Variants in PTPRR observed in about 807,000 individuals in gnomAD.
The protein encoded by PTPRR is protein tyrosine phosphatase receptor type R, also known as receptor-type tyrosine-protein phosphatase R.
In PTPRR, 38 loss-of-function variants were observed where a neutral mutation model predicts 77.2. The observed-to-expected ratio is 0.49, with a 90% confidence interval of 0.38 to 0.65. PTPRR has a LOEUF of 0.65. Ranked by LOEUF, PTPRR falls within the 30% of genes least tolerant of loss-of-function variation. The pLI, the probability that PTPRR is intolerant of heterozygous loss-of-function variation, is 0.00. For missense variants in PTPRR, 744 were observed against 799.2 expected (o/e 0.93, Z 0.83); for synonymous variants, 299 against 283.1 (o/e 1.06, Z -0.57).
intron 13 of PTPRR, among the ~76,000 whole-genome samples, chr12:70,651,990 G>A (rs12578978): frequency 2.0e-5 from 3 of 152,130 alleles, no homozygotes; most frequent in East Asian, 3.9e-4. Flanking sequence ...TGAAGACCAT[G>A]GTGAAGAGTC....
At chr12:70,882,284 A>G (rs1893162055) in intron 2 of PTPRR, among the ~76,000 whole-genome samples, 1 of 152,126 alleles carries the variant, frequency 6.6e-6, no homozygotes, top group Non-Finnish European at 1.5e-5. Context: ...TTTACTTGTT[A>G]TTGCTGATTC....
chr12:70,911,471 G>T (rs1893698028), intron 1 of PTPRR, among the ~76,000 whole-genome samples: 1 of 152,076 alleles, frequency 6.6e-6, no homozygotes, highest in Non-Finnish European at 1.5e-5. Flanking sequence ...GTAGGAACTA[G>T]GCACTTCAGA....
chr12:70,675,403 T>C (rs1887407444), intron 10 of PTPRR, among the ~76,000 whole-genome samples: 1 of 151,982 alleles, frequency 6.6e-6, no homozygotes, highest in Admixed American at 6.6e-5. Context: ...AAATTCTGTC[T>C]TTTCTCTCTT....
chr12:70,692,091 A>G (rs1037293940), intron 8 of PTPRR, among the ~76,000 whole-genome samples: 3 of 152,198 alleles, frequency 2.0e-5, no homozygotes, highest in Admixed American at 1.3e-4. Context: ...TATGGGAAAC[A>G]TTGGGTTAAA....
At chr12:70,686,999 C>T (rs190692037) in intron 8 of PTPRR, among the ~76,000 whole-genome samples, 117 of 152,294 alleles carry the variant, frequency 7.7e-4, no homozygotes, top group African/African-American at 2.5e-3. Flanking sequence ...ATCATGATCA[C>T]TGTTATTGTC....
chr12:70,841,709 A>T (rs983803695), intron 2 of PTPRR, among the ~76,000 whole-genome samples: 1 of 121,138 alleles, frequency 8.3e-6, no homozygotes, highest in South Asian at 2.4e-4. Flanking sequence ...ATTTAAGCTG[A>T]ATAAAAGTAA....
chr12:70,796,707 A>T (rs75584528), intron 2 of PTPRR, among the ~76,000 whole-genome samples: 1 of 23,602 alleles, frequency 4.2e-5, no homozygotes, highest in African/African-American at 5.5e-5. Flanking sequence ...TATGTATATT[A>T]AAAAAAAATC....
At chr12:70,727,689 C>T (rs577258746) in intron 6 of PTPRR, among the ~76,000 whole-genome samples, 1 of 152,264 alleles carries the variant, frequency 6.6e-6, no homozygotes. Flanking sequence ...TGCCTAGCTA[C>T]ATCACTGCAC....
intron 2 of PTPRR, among the ~76,000 whole-genome samples, chr12:70,829,147 T>C (rs946323988): frequency 1.3e-5 from 2 of 151,924 alleles, no homozygotes; most frequent in African/African-American, 2.4e-5. Flanking sequence ...GTCTATTCCA[T>C]ATCTCAGTGT....
At chr12:70,898,487 T>C (rs1449993997) in intron 1 of PTPRR, among the ~76,000 whole-genome samples, 1 of 143,714 alleles carries the variant, frequency 7.0e-6, no homozygotes, top group Non-Finnish European at 1.5e-5. Context: ...TAATTATTTT[T>C]ACATATTACA....
chr12:70,743,070 G>C (rs1157341243), intron 6 of PTPRR, among the ~76,000 whole-genome samples: 1 of 152,134 alleles, frequency 6.6e-6, no homozygotes, highest in Non-Finnish European at 1.5e-5. Context: ...ATCACTAAAA[G>C]GTGGTAAGAT....
intron 10 of PTPRR, among the ~76,000 whole-genome samples, chr12:70,679,581 G>A (rs1887580150): frequency 1.3e-5 from 2 of 151,910 alleles, no homozygotes; most frequent in South Asian, 2.1e-4. Context: ...CTAGTGTTAG[G>A]TGCATACATA....
intron 8 of PTPRR, among the ~76,000 whole-genome samples, chr12:70,685,250 TG>T (rs1278497288): frequency 1.3e-5 from 2 of 152,146 alleles, no homozygotes; most frequent in Non-Finnish European, 2.9e-5. Context: ...CCAGATCTCC[TG>T]ATCTTCCGAG....
chr12:70,720,526 TTTTG>T (rs1181063469), intron 6 of PTPRR, among the ~76,000 whole-genome samples: 1 of 151,448 alleles, frequency 6.6e-6, no homozygotes, highest in Non-Finnish European at 1.5e-5. Flanking sequence ...TTTTTTTTTT[TTTTG>T]AGACAGGGTC....
At chr12:70,824,627 C>T (rs1458009653) in intron 2 of PTPRR, among the ~76,000 whole-genome samples, 2 of 152,116 alleles carry the variant, frequency 1.3e-5, no homozygotes, top group African/African-American at 4.8e-5. Flanking sequence ...TTAGTAGTTG[C>T]CTGTACAGGG....
At chr12:70,715,009 G>A (rs535321193) in intron 6 of PTPRR, among the ~76,000 whole-genome samples, 1 of 148,046 alleles carries the variant, frequency 6.8e-6, no homozygotes, top group South Asian at 2.3e-4. Flanking sequence ...TCTATATATT[G>A]AGTATGCCAA....
intron 1 of PTPRR, among the ~76,000 whole-genome samples, chr12:70,893,705 CAG>C (rs1288287247): frequency 1.3e-5 from 2 of 151,830 alleles, no homozygotes; most frequent in African/African-American, 2.4e-5. Flanking sequence ...GGCTGAAATG[CAG>C]AGAGTCTGGT....
chr12:70,754,712 CT>C, intron 4 of PTPRR: 1 of 1,590,316 alleles, frequency 6.3e-7, no homozygotes. Context: ...TACCTCTTTA[CT>C]TTTAAACAAA....
chr12:70,658,854 T>C (rs886600541), intron 12 of PTPRR, among the ~76,000 whole-genome samples: 1 of 148,190 alleles, frequency 6.7e-6, no homozygotes, highest in Non-Finnish European at 1.5e-5. Context: ...GGTTTATGGA[T>C]AGGTTCAACG....
Sources: gnomAD v4.1 joint callset for allele counts (sites outside exome capture counted in the v4.1 genomes callset) on GRCh38, gnomAD v4.1.1 for gene constraint, MANE v1.5 for transcripts, NCBI Gene and HGNC (gene_info 2026-07-23, HGNC 2026-07-21) for gene names.